Variants in WDPCP observed in about 807,000 individuals in gnomAD.
The protein encoded by WDPCP is WD repeat containing planar cell polarity effector.
A neutral mutation model predicts 93.1 loss-of-function variants in WDPCP; 71 were observed. That is an observed-to-expected ratio of 0.76 (90% CI 0.63 to 0.93). WDPCP has a LOEUF of 0.93. WDPCP is among the 40% of genes least tolerant of loss of function. WDPCP has a pLI of 0.00. For missense variants in WDPCP, 844 were observed against 887.4 expected, an observed-to-expected ratio of 0.95 and a Z score of 0.62; for synonymous variants, 315 against 315.0, an observed-to-expected ratio of 1.00 and a Z score of 0.00.
chr2:63,322,391 G>A (rs778974489), intron 12 of WDPCP, among the ~76,000 whole-genome samples: 6 of 152,054 alleles, frequency 3.9e-5, no homozygotes, highest in South Asian at 2.1e-4. Context: ...TTGTTCTTTC[G>A]CTCTTCACAA....
the WDPCP span, among the ~76,000 whole-genome samples, chr2:63,838,190 T>C: frequency 2.6e-5 from 4 of 152,112 alleles, no homozygotes; most frequent in East Asian, 7.7e-4. Flanking sequence ...ACTTATGGAA[T>C]GTTCGCTATG....
At chr2:63,738,071 T>C (rs1209095445) in intron 2 of WDPCP, among the ~76,000 whole-genome samples, 2 of 152,292 alleles carry the variant, frequency 1.3e-5, no homozygotes, top group African/African-American at 2.4e-5. Flanking sequence ...GTCTACCTAG[T>C]TCCTAATGTA....
intron 1 of WDPCP, among the ~76,000 whole-genome samples, chr2:63,553,919 C>T (rs892986802): frequency 3.3e-5 from 5 of 152,200 alleles, no homozygotes; most frequent in Non-Finnish European, 5.9e-5. Flanking sequence ...AGACACAATG[C>T]TCCATTACCC....
intron 1 of WDPCP, among the ~76,000 whole-genome samples, chr2:63,516,446 G>A (rs1176188384): frequency 1.3e-5 from 2 of 152,116 alleles, no homozygotes; most frequent in East Asian, 1.9e-4. Flanking sequence ...TCATGATGGG[G>A]CTGCTACAGC....
chr2:63,822,906 G>C (rs1237861717), intron 1 of WDPCP, among the ~76,000 whole-genome samples: 2 of 150,148 alleles, frequency 1.3e-5, no homozygotes, highest in African/African-American at 4.9e-5. Context: ...TCATTTATTT[G>C]ATCAGATCTG....
chr2:63,716,134 A>G (rs1355192909), intron 2 of WDPCP, among the ~76,000 whole-genome samples: 1 of 152,208 alleles, frequency 6.6e-6, no homozygotes, highest in Non-Finnish European at 1.5e-5. Flanking sequence ...TTTCTCTGAG[A>G]AGCTGGTGGA....
At chr2:63,200,499 C>A (rs1278921215) in intron 14 of WDPCP, among the ~76,000 whole-genome samples, 1 of 152,174 alleles carries the variant, frequency 6.6e-6, no homozygotes, top group Non-Finnish European at 1.5e-5. Context: ...CAATGGTATA[C>A]TATTCAGCCA....
At chr2:63,439,926 C>G (rs1056100921) in intron 6 of WDPCP, 55 bp from the exon 7 acceptor site, 1 of 1,346,104 alleles carries the variant, frequency 7.4e-7, no homozygotes, top group South Asian at 1.2e-5. Flanking sequence ...GATTTAGAAT[C>G]TTTAAAAAAC....
chr2:63,178,658 T>TTAAG lies in WDPCP; in HGVS notation c.1916-3830_1916-3827dup, dbSNP rs560662646. Among the ~76,000 whole-genome samples, 302 of 152,280 alleles carry TTAAG rather than the reference T, an allele frequency of 2.0e-3. 2 individuals are homozygous for TTAAG. Among genetic ancestry groups the TTAAG allele is most frequent in the African/African-American group, 6.6e-3 (274 of 41,552 alleles). The stretch of plus-strand genomic sequence containing the variant: ...GTAGATATTTTAGAAAAACCACCTC[T>TTAAG]TAAGTTTTGTTGATTTTTTTCTATT... On this transcript the variant is annotated intron_variant, in intron 14 of 17. Coordinates refer to ENST00000272321, the MANE Select transcript of WDPCP (RefSeq NM_015910.7).
At chr2:63,296,210 CAAA>C (rs70965117) in intron 13 of WDPCP, among the ~76,000 whole-genome samples, 1 of 141,436 alleles carries the variant, frequency 7.1e-6, no homozygotes. Context: ...TCAGTAGATG[CAAA>C]AAAAAAAAAA....
chr2:63,561,253 C>A (rs148024279), intron 1 of WDPCP, among the ~76,000 whole-genome samples: 2,762 of 152,064 alleles, frequency 0.018, 71 homozygotes, highest in African/African-American at 0.06. Context: ...CCGAGGTAGG[C>A]GGATCATGAG....
In WDPCP at chr2:63,654,726, G is replaced by A. The variant is rs376199018; in HGVS notation, n.309-3888C>T. Among the ~76,000 whole-genome samples the A allele has an allele frequency of 4.6e-4, 70 of 152,196 alleles. 1 individual carries two copies. The highest frequency in any genetic ancestry group is 1.3e-3 in the African/African-American group (53 of 41,520). ...AATACTTACATATAACTTATGCACCGTCCCCTACATACTTTAAATCATCTC... is the reference window on the plus strand; with the variant it reads ...AATACTTACATATAACTTATGCACCATCCCCTACATACTTTAAATCATCTC... On this transcript the variant is annotated intron_variant and non_coding_transcript_variant, in intron 2 of 4. Transcript: ENST00000467687.
At chr2:63,821,374 C>T (rs1381375820) in intron 1 of WDPCP, among the ~76,000 whole-genome samples, 2 of 152,152 alleles carry the variant, frequency 1.3e-5, no homozygotes, top group African/African-American at 2.4e-5. Context: ...AGTGCAAAAG[C>T]ACTGACATGG....
chr2:63,820,401 T>C (rs1268621910), intron 1 of WDPCP, among the ~76,000 whole-genome samples: 1 of 152,080 alleles, frequency 6.6e-6, no homozygotes, highest in Non-Finnish European at 1.5e-5. Flanking sequence ...TTTTGGGAAA[T>C]AGTGATGCAA....
chr2:63,383,471 A>G (rs756366228), intron 10 of WDPCP, among the ~76,000 whole-genome samples: 2 of 152,170 alleles, frequency 1.3e-5, no homozygotes, highest in African/African-American at 2.4e-5. Context: ...TCTGAGCACT[A>G]TGGAAGGCCA....
intron 1 of WDPCP, among the ~76,000 whole-genome samples, chr2:63,537,037 G>C (rs892699059): frequency 5.3e-5 from 8 of 152,096 alleles, no homozygotes; most frequent in African/African-American, 1.7e-4. Context: ...CATAGTACTG[G>C]AATTAGGAGC....
intron 1 of WDPCP, among the ~76,000 whole-genome samples, chr2:63,554,713 C>T (rs1705946197): frequency 6.6e-6 from 1 of 152,056 alleles, no homozygotes; most frequent in South Asian, 2.1e-4. Flanking sequence ...TGCAAGTATC[C>T]TCCTCATCAA....
At chr2:63,226,750 A>ATGTT (rs1290745844) in intron 14 of WDPCP, among the ~76,000 whole-genome samples, 1 of 151,906 alleles carries the variant, frequency 6.6e-6, no homozygotes, top group African/African-American at 2.4e-5. Context: ...TAGAAATATT[A>ATGTT]TGTTTCTCTT....
At chr2:63,817,016 C>T (rs1242927761) in intron 1 of WDPCP, among the ~76,000 whole-genome samples, 1 of 151,880 alleles carries the variant, frequency 6.6e-6, no homozygotes, top group Admixed American at 6.6e-5. Context: ...ATTTCTGGGG[C>T]AATGGAAATA....
Sources: gnomAD v4.1 joint callset for allele counts (sites outside exome capture counted in the v4.1 genomes callset) on GRCh38, gnomAD v4.1.1 for gene constraint, MANE v1.5 for transcripts, NCBI Gene and HGNC (gene_info 2026-07-23, HGNC 2026-07-21) for gene names.